Variants in PCTP observed in about 807,000 individuals in gnomAD.
PCTP encodes the protein phosphatidylcholine transfer protein.
Under a neutral mutation model 31.0 loss-of-function variants are expected in PCTP, and 27 were observed. The observed-to-expected ratio is 0.87, with a 90% confidence interval of 0.64 to 1.20. The LOEUF is 1.20. Ranked by LOEUF, PCTP falls within the 50% of genes most tolerant of loss-of-function variation. PCTP has a pLI of 0.00. For missense variants in PCTP, 287 were observed against 268.2 expected (o/e 1.07, Z -0.49); for synonymous variants, 108 against 101.2 (o/e 1.07, Z -0.40).
chr17:55,771,930 A>T (rs77244536), intron 3 of PCTP, among the ~76,000 whole-genome samples: 1,789 of 152,230 alleles, frequency 0.012, 13 homozygotes, highest in Non-Finnish European at 0.017. Context: ...TTACAGGTTC[A>T]ATTTCCATGT....
chr17:55,802,213 G>A (rs1315342616), intron 3 of PCTP, among the ~76,000 whole-genome samples: 1 of 152,148 alleles, frequency 6.6e-6, no homozygotes, highest in East Asian at 1.9e-4. Flanking sequence ...CTGAAATTGA[G>A]GTAGTAAGTA....
chr17:55,806,701 G>A (rs558305947), intron 3 of PCTP, among the ~76,000 whole-genome samples: 41 of 152,240 alleles, frequency 2.7e-4, no homozygotes, highest in African/African-American at 9.4e-4. Context: ...CTCGGTACTG[G>A]ACAGGAACAT....
At chr17:55,753,422 A>G (rs1909821614) in intron 1 of PCTP, among the ~76,000 whole-genome samples, 1 of 152,210 alleles carries the variant, frequency 6.6e-6, no homozygotes, top group African/African-American at 2.4e-5. Context: ...TTCAGGTGCT[A>G]AGTGTTTTGG....
At chr17:55,815,121 G>T (rs1458040396) in intron 3 of PCTP, among the ~76,000 whole-genome samples, 1 of 152,134 alleles carries the variant, frequency 6.6e-6, no homozygotes, top group Admixed American at 6.5e-5. Context: ...CTGCTTGGAA[G>T]TTCAATGTTA....
chr17:55,808,294 C>T (rs1167392343), intron 3 of PCTP, among the ~76,000 whole-genome samples: 1 of 152,182 alleles, frequency 6.6e-6, no homozygotes, highest in Non-Finnish European at 1.5e-5. Flanking sequence ...ACGCACCTCA[C>T]CTCCCTCAGA....
chr17:55,767,301 C>A, intron 1 of PCTP, 34 bp from the exon 2 acceptor site: 1 of 1,344,018 alleles, frequency 7.4e-7, no homozygotes, highest in Non-Finnish European at 1.1e-6. Flanking sequence ...AACTTGGGAA[C>A]CAATAGACAT....
At chr17:55,841,708 G>A (rs1474101187) in intron 5 of PCTP, among the ~76,000 whole-genome samples, 1 of 152,122 alleles carries the variant, frequency 6.6e-6, no homozygotes, top group African/African-American at 2.4e-5. Context: ...TGCATTTCCT[G>A]GAAGAATCTC....
chr17:55,756,540 C>T (rs979442030), intron 1 of PCTP, among the ~76,000 whole-genome samples: 10 of 152,110 alleles, frequency 6.6e-5, no homozygotes, highest in African/African-American at 2.4e-4. Flanking sequence ...CAAACCATAC[C>T]AAGCCCTACC....
At chr17:55,848,143 C>T in the PCTP span, among the ~76,000 whole-genome samples, 1 of 152,054 alleles carries the variant, frequency 6.6e-6, no homozygotes, top group East Asian at 1.9e-4. Flanking sequence ...CAGGCTGCTC[C>T]TGAACTCTTG....
chr17:55,824,555 A>G (rs1459912565), downstream of PCTP, among the ~76,000 whole-genome samples: 1 of 152,240 alleles, frequency 6.6e-6, no homozygotes, highest in African/African-American at 2.4e-5. Flanking sequence ...ACAATGATAA[A>G]TTGTAATTGG....
At chr17:55,827,823 G>A (rs1212791198), downstream of PCTP, among the ~76,000 whole-genome samples, 1 of 152,166 alleles carries the variant, frequency 6.6e-6, no homozygotes, top group Non-Finnish European at 1.5e-5. Flanking sequence ...ACCACTTGTA[G>A]AAATCGGTGG....
intron 3 of PCTP, among the ~76,000 whole-genome samples, chr17:55,810,561 C>T (rs986425716): frequency 4.6e-5 from 7 of 152,220 alleles, no homozygotes; most frequent in African/African-American, 7.2e-5. Context: ...CCTCTACTGC[C>T]TTTATCACAG....
downstream of PCTP, among the ~76,000 whole-genome samples, chr17:55,824,138 C>T (rs560480878): frequency 1.3e-5 from 2 of 152,246 alleles, no homozygotes; most frequent in African/African-American, 4.8e-5. Context: ...TTGATGTTCT[C>T]TTTTTAATCC....
intron 5 of PCTP, among the ~76,000 whole-genome samples, chr17:55,842,137 G>A (rs1357282589): frequency 1.3e-5 from 2 of 150,858 alleles, no homozygotes; most frequent in South Asian, 2.1e-4. Context: ...TTGGGGTTGA[G>A]GGGAGCAACA....
chr17:55,833,428 A>G (rs1036379447), intron 5 of PCTP, among the ~76,000 whole-genome samples: 1 of 152,298 alleles, frequency 6.6e-6, no homozygotes, highest in African/African-American at 2.4e-5. Flanking sequence ...AAAATGAACA[A>G]TTTATCCACA....
intron 3 of PCTP, among the ~76,000 whole-genome samples, chr17:55,801,494 C>T (rs574388209): frequency 5.9e-5 from 9 of 152,172 alleles, no homozygotes; most frequent in South Asian, 4.2e-4. Context: ...TGTAAAAGAA[C>T]GGAAATCATA....
intron 1 of PCTP, among the ~76,000 whole-genome samples, chr17:55,757,447 GACACACACAC>G (rs72053094): frequency 6.9e-6 from 1 of 144,926 alleles, no homozygotes; most frequent in African/African-American, 2.6e-5. Context: ...AGGAAACTGA[GACACACACAC>G]ACACACACAC....
intron 3 of PCTP, among the ~76,000 whole-genome samples, chr17:55,810,527 G>T (rs1370066590): frequency 2.0e-5 from 3 of 152,210 alleles, no homozygotes; most frequent in Non-Finnish European, 4.4e-5. Flanking sequence ...TTCATTGTAT[G>T]TGAGCCTAAT....
chr17:55,840,766 T>G (rs1598025933), intron 5 of PCTP, among the ~76,000 whole-genome samples: 1 of 152,220 alleles, frequency 6.6e-6, no homozygotes, highest in South Asian at 2.1e-4. Context: ...GAGTACAAGG[T>G]TCAGAATTCC....
Sources: gnomAD v4.1 joint callset for allele counts (sites outside exome capture counted in the v4.1 genomes callset) on GRCh38, gnomAD v4.1.1 for gene constraint, MANE v1.5 for transcripts, NCBI Gene and HGNC (gene_info 2026-07-23, HGNC 2026-07-21) for gene names.